The following ZNF521 variants were observed in gnomAD, a reference collection of about 807,000 sequenced individuals.
ZNF521 encodes LYST-interacting protein 3.
ZNF521 carries 14 observed loss-of-function variants against 105.5 expected under a neutral mutation model. The observed-to-expected ratio is 0.13, with a 90% confidence interval of 0.09 to 0.21. The LOEUF (loss-of-function observed/expected upper bound fraction) is 0.21, where lower values mean the gene tolerates loss of function less well. Among genes scored for constraint, ZNF521 ranks in the 10% least tolerant of loss-of-function variants. ZNF521 has a pLI of 1.00. For missense variants in ZNF521, 1,233 were observed against 1,629.7 expected (o/e 0.76, Z 4.19); for synonymous variants, 635 against 606.0 (o/e 1.05, Z -0.70).
chr18:25,296,019 T>C (rs1357063174), intron 3 of ZNF521, among the ~76,000 whole-genome samples: 1 of 152,226 alleles, frequency 6.6e-6, no homozygotes, highest in East Asian at 1.9e-4. Flanking sequence ...ATCTTAGCCC[T>C]TGTTACCTTG....
At chr18:25,147,650 G>A (rs1344055799) in intron 5 of ZNF521, among the ~76,000 whole-genome samples, 1 of 152,102 alleles carries the variant, frequency 6.6e-6, no homozygotes, top group East Asian at 1.9e-4. Context: ...CCAGTCCTGA[G>A]ATTTTATATC....
intron 5 of ZNF521, among the ~76,000 whole-genome samples, chr18:25,106,319 A>C (rs896888716): frequency 6.6e-6 from 1 of 152,136 alleles, no homozygotes; most frequent in South Asian, 2.1e-4. Flanking sequence ...GTTGATTTGG[A>C]AAATACCAGG....
chr18:25,341,602 C>A (rs967911836), intron 2 of ZNF521, among the ~76,000 whole-genome samples: 3 of 152,122 alleles, frequency 2.0e-5, no homozygotes, highest in African/African-American at 7.2e-5. Context: ...GGACATATTT[C>A]CCTTTAGATT....
At position 25,102,251 on chromosome 18, in the gene ZNF521, T is replaced by A. The variant is rs570497291; in HGVS notation, c.3659-10170A>T. ...GCTGGCTACTATTTGGCATTTTTTTTAAATTAAAAGATAATTTTTTAAATT... is the reference window on the plus strand; with the variant it reads ...GCTGGCTACTATTTGGCATTTTTTTAAAATTAAAAGATAATTTTTTAAATT... On this transcript the variant is annotated intron_variant, in intron 5 of 7. Transcript: ENST00000361524. Among the ~76,000 whole-genome samples the A allele has an allele frequency of 2.7e-4, 41 of 152,266 alleles. No homozygotes were observed. In the South Asian group the frequency reaches 5.4e-3, roughly 20 times the overall value.
chr18:25,231,889 G>A (rs1405560607), intron 3 of ZNF521, among the ~76,000 whole-genome samples: 1 of 152,198 alleles, frequency 6.6e-6, no homozygotes, highest in Non-Finnish European at 1.5e-5. Context: ...GAAAGTAGAT[G>A]AAAATACTTT....
At chr18:25,121,211 A>G (rs559849369) in intron 5 of ZNF521, among the ~76,000 whole-genome samples, 16 of 136,486 alleles carry the variant, frequency 1.2e-4, no homozygotes, top group African/African-American at 4.4e-4. Context: ...TCCCAGGTTC[A>G]CGCCATTCTC....
chr18:25,178,786 T>C (rs971313930), intron 5 of ZNF521, among the ~76,000 whole-genome samples: 4 of 152,212 alleles, frequency 2.6e-5, no homozygotes, highest in African/African-American at 9.6e-5. Context: ...CAGGCTTTGA[T>C]GCAATGATAG....
chr18:25,128,313 G>T (rs1316672326), intron 5 of ZNF521, among the ~76,000 whole-genome samples: 1 of 151,880 alleles, frequency 6.6e-6, no homozygotes, highest in Non-Finnish European at 1.5e-5. Context: ...GGGGGTAACT[G>T]CTTCAATTTC....
At chr18:25,204,205 A>G (rs909153292) in intron 4 of ZNF521, among the ~76,000 whole-genome samples, 1 of 152,218 alleles carries the variant, frequency 6.6e-6, no homozygotes, top group South Asian at 2.1e-4. Context: ...GAATGATCTA[A>G]TACATTTATT....
chr18:25,085,227 GTA>G (rs201952893), intron 7 of ZNF521, among the ~76,000 whole-genome samples: 86 of 148,398 alleles, frequency 5.8e-4, no homozygotes, highest in Middle Eastern at 7.1e-3. Flanking sequence ...ATTTTTATGT[GTA>G]TATATATATA....
intron 5 of ZNF521, among the ~76,000 whole-genome samples, chr18:25,175,930 A>C (rs532787411): frequency 1.3e-5 from 2 of 152,370 alleles, no homozygotes; most frequent in Admixed American, 1.3e-4. Context: ...ATCAGGCTCT[A>C]TGACTTACAC....
At chr18:25,068,508 A>AT (rs35395645) in intron 7 of ZNF521, among the ~76,000 whole-genome samples, 24,925 of 149,692 alleles carry the variant, frequency 0.17, 2,172 homozygotes, top group African/African-American at 0.21. Context: ...TTCATTTTTA[A>AT]TTTTTTTTTT....
At chr18:25,137,697 C>A (rs968648380) in intron 5 of ZNF521, among the ~76,000 whole-genome samples, 4 of 152,100 alleles carry the variant, frequency 2.6e-5, no homozygotes, top group Non-Finnish European at 5.9e-5. Flanking sequence ...TGCACACACA[C>A]TTCCTAAATC....
chr18:25,298,089 T>C (rs541274470), intron 3 of ZNF521, among the ~76,000 whole-genome samples: 1 of 152,206 alleles, frequency 6.6e-6, no homozygotes, highest in Non-Finnish European at 1.5e-5. Context: ...ATTCTTTTCA[T>C]TATTCTGAAA....
chr18:25,067,667 T>C (rs1309643413), intron 7 of ZNF521, among the ~76,000 whole-genome samples: 1 of 152,214 alleles, frequency 6.6e-6, no homozygotes, highest in African/African-American at 2.4e-5. Context: ...TGATGTAAAT[T>C]TGAATTTTTG....
intron 7 of ZNF521, among the ~76,000 whole-genome samples, chr18:25,085,026 T>C (rs539257921): frequency 1.7e-3 from 259 of 152,248 alleles, no homozygotes; most frequent in African/African-American, 5.1e-3. Flanking sequence ...ATGTGAAACA[T>C]TGAACACATT....
chr18:25,115,649 A>C (rs1265228239), intron 5 of ZNF521, among the ~76,000 whole-genome samples: 1 of 152,210 alleles, frequency 6.6e-6, no homozygotes, highest in East Asian at 1.9e-4. Flanking sequence ...ATGAATTCAC[A>C]TTACATTCCT....
At chr18:25,212,538 A>AATATATATATATATAT (rs1279194731) in intron 4 of ZNF521, among the ~76,000 whole-genome samples, 9 of 48,138 alleles carry the variant, frequency 1.9e-4, no homozygotes, top group African/African-American at 9.2e-4. Flanking sequence ...AAAAAAAAAA[A>AATATATATATATATAT]ATATATATAT....
intron 7 of ZNF521, among the ~76,000 whole-genome samples, chr18:25,064,395 A>C (rs2032995095): frequency 6.6e-6 from 1 of 152,258 alleles, no homozygotes; most frequent in Admixed American, 6.5e-5. Context: ...CAAGGGACCC[A>C]CATGGGTCAG....
Sources: allele counts gnomAD v4.1 joint callset (sites outside exome capture counted in the v4.1 genomes callset), GRCh38; gene constraint gnomAD v4.1.1; transcripts MANE v1.5; gene names NCBI Gene and HGNC (gene_info 2026-07-23, HGNC 2026-07-21).